Variants in PARD3 observed in about 807,000 individuals in gnomAD.
PARD3 encodes par-3 family cell polarity regulator.
Under a neutral mutation model 155.4 loss-of-function variants are expected in PARD3, and 75 were observed. The observed-to-expected ratio is 0.48, with a 90% CI of 0.40 to 0.58. The LOEUF (loss-of-function observed/expected upper bound fraction) is 0.58. Ranked by LOEUF, PARD3 falls within the 20% of genes least tolerant of loss-of-function variation. The pLI, the probability that PARD3 is intolerant of heterozygous loss-of-function variation, is 0.00. For synonymous variants in PARD3, 576 were observed against 610.5 expected (o/e 0.94, Z 0.83); for missense variants, 1,642 against 1,721.7 (o/e 0.95, Z 0.82).
intron 21 of PARD3, among the ~76,000 whole-genome samples, chr10:34,274,887 C>G (rs1325628895): frequency 1.2e-4 from 18 of 152,080 alleles, no homozygotes; most frequent in Non-Finnish European, 5.9e-5. Context: ...AGGCATAAAC[C>G]TAAATAATCT....
At chr10:34,543,511 C>T (rs888014861) in intron 2 of PARD3, among the ~76,000 whole-genome samples, 6 of 152,186 alleles carry the variant, frequency 3.9e-5, no homozygotes, top group African/African-American at 1.4e-4. Context: ...TCTTGTGCAA[C>T]CTGTTCCCAG....
chr10:34,734,987 GAAA>G (rs1554822503), intron 1 of PARD3, among the ~76,000 whole-genome samples: 8 of 131,894 alleles, frequency 6.1e-5, no homozygotes, highest in South Asian at 2.3e-4. Flanking sequence ...GGGCTTATGG[GAAA>G]AAAAAAAAAA....
intron 4 of PARD3, among the ~76,000 whole-genome samples, chr10:34,457,911 T>C (rs2077422548): frequency 1.3e-5 from 2 of 152,154 alleles, no homozygotes; most frequent in African/African-American, 4.8e-5. Context: ...TACTCAATCC[T>C]GAGTAATAAA....
At chr10:34,399,990 C>T (rs532377036) in intron 6 of PARD3, among the ~76,000 whole-genome samples, 2 of 152,312 alleles carry the variant, frequency 1.3e-5, no homozygotes, top group East Asian at 3.9e-4. Flanking sequence ...CAAGGGAGAT[C>T]ACCATTGTCC....
intron 3 of PARD3, among the ~76,000 whole-genome samples, chr10:34,475,277 T>C (rs1308423199): frequency 6.6e-6 from 1 of 152,172 alleles, no homozygotes; most frequent in Non-Finnish European, 1.5e-5. Context: ...GCACATTTAG[T>C]GGAAAGAGCA....
At chr10:34,595,160 G>A (rs2089134867) in intron 2 of PARD3, among the ~76,000 whole-genome samples, 1 of 152,174 alleles carries the variant, frequency 6.6e-6, no homozygotes, top group Non-Finnish European at 1.5e-5. Flanking sequence ...ATATCACAAT[G>A]TCAAGTTCAG....
At chr10:34,314,635 A>T (rs147043730) in intron 20 of PARD3, among the ~76,000 whole-genome samples, 21 of 152,278 alleles carry the variant, frequency 1.4e-4, no homozygotes, top group Non-Finnish European at 2.6e-4. Flanking sequence ...CCTGGTGTAA[A>T]CACTGCCACC....
intron 1 of PARD3, among the ~76,000 whole-genome samples, chr10:34,748,651 C>G (rs573930741): frequency 2.4e-4 from 37 of 152,102 alleles, no homozygotes; most frequent in African/African-American, 4.8e-4. Flanking sequence ...AGCATCCCCC[C>G]CTGCTCCCAC....
At chr10:34,334,914 AG>A (rs1282518649) in intron 18 of PARD3, among the ~76,000 whole-genome samples, 1 of 151,880 alleles carries the variant, frequency 6.6e-6, no homozygotes, top group Admixed American at 6.6e-5. Flanking sequence ...TTTTCCTTAT[AG>A]TAGCTGTGAG....
intron 18 of PARD3, among the ~76,000 whole-genome samples, chr10:34,332,884 T>C (rs1317074085): frequency 6.6e-6 from 1 of 152,090 alleles, no homozygotes; most frequent in Non-Finnish European, 1.5e-5. Context: ...AAATTACTCA[T>C]AAAAGTCATG....
chr10:34,284,283 C>A (rs1956287268), intron 20 of PARD3, 38 bp from the exon 21 acceptor site: 3 of 1,179,380 alleles, frequency 2.5e-6, no homozygotes, highest in Non-Finnish European at 2.5e-6. Flanking sequence ...TCAATATATA[C>A]AAAATGAGCT....
At chr10:34,300,440 A>C (rs779149993) in intron 20 of PARD3, among the ~76,000 whole-genome samples, 2 of 152,184 alleles carry the variant, frequency 1.3e-5, no homozygotes, top group African/African-American at 2.4e-5. Flanking sequence ...GGATCACTTA[A>C]GGTCAGGAGT....
At chr10:34,388,068 A>G (rs1471904112) in intron 7 of PARD3, among the ~76,000 whole-genome samples, 2 of 152,206 alleles carry the variant, frequency 1.3e-5, no homozygotes, top group Non-Finnish European at 2.9e-5. Context: ...TTTACTCAGT[A>G]CAAGAGACCT....
chr10:34,670,599 T>C (rs893811881), intron 2 of PARD3, among the ~76,000 whole-genome samples: 1 of 152,204 alleles, frequency 6.6e-6, no homozygotes, highest in East Asian at 1.9e-4. Flanking sequence ...CAGCGAGTCC[T>C]GAGTGGTTTC....
At chr10:34,292,039 C>T (rs946578068) in intron 20 of PARD3, among the ~76,000 whole-genome samples, 15 of 152,202 alleles carry the variant, frequency 9.9e-5, no homozygotes, top group African/African-American at 3.1e-4. Flanking sequence ...TGCCCACATA[C>T]CCATTCACAG....
At chr10:34,404,644 G>C (rs1412248423) in intron 5 of PARD3, among the ~76,000 whole-genome samples, 2 of 151,524 alleles carry the variant, frequency 1.3e-5, no homozygotes, top group Non-Finnish European at 2.9e-5. Context: ...TTTCATAGCA[G>C]AGTACAGACA....
chr10:34,422,776 A>G (rs1015451283), intron 5 of PARD3, among the ~76,000 whole-genome samples: 4 of 152,178 alleles, frequency 2.6e-5, no homozygotes, highest in Non-Finnish European at 5.9e-5. Flanking sequence ...CAAAAAAATG[A>G]ACGATAACGT....
In PARD3 at chr10:34,452,799, C is replaced by T. The variant is rs114363844; in HGVS notation, c.583-2351G>A. The stretch of plus-strand genomic sequence containing the variant: ...TTTCCAACAAGAGGTCCCAAAGATA[C>T]CTCGAAACTGAGCTCCCTATTTTGA... On this transcript the variant is annotated intron_variant, in intron 4 of 24. Transcript: ENST00000374788. Among the ~76,000 whole-genome samples the T allele has an allele frequency of 5.7e-3, 869 of 152,312 alleles. 9 individuals are homozygous for T. Among genetic ancestry groups the T allele is most frequent in the African/African-American group, 0.02 (848 of 41,574 alleles).
chr10:34,394,286 A>T (rs1216879456), intron 7 of PARD3, among the ~76,000 whole-genome samples: 1 of 152,096 alleles, frequency 6.6e-6, no homozygotes, highest in Non-Finnish European at 1.5e-5. Context: ...TTGGCCTCCC[A>T]AAGGTCTGGG....
Sources: gnomAD v4.1 joint callset for allele counts (sites outside exome capture counted in the v4.1 genomes callset) on GRCh38, gnomAD v4.1.1 for gene constraint, MANE v1.5 for transcripts, NCBI Gene and HGNC (gene_info 2026-07-23, HGNC 2026-07-21) for gene names.